PPM1H: variants seen among roughly 807,000 people sequenced by gnomAD.
The protein encoded by PPM1H is protein phosphatase 1H.
PPM1H carries 27 observed loss-of-function variants against 54.9 expected under a neutral mutation model. The ratio of observed to expected loss-of-function variants is 0.49; its 90% CI spans 0.36 to 0.68. The LOEUF is 0.68. Ranked by LOEUF, PPM1H falls within the 30% of genes least tolerant of loss-of-function variation. PPM1H has a pLI of 0.00. For synonymous variants in PPM1H, 305 were observed against 270.8 expected (o/e 1.13, Z -1.24); for missense variants, 596 against 667.8 (o/e 0.89, Z 1.19).
intron 4 of PPM1H, among the ~76,000 whole-genome samples, chr12:62,754,765 G>T (rs1281965488): frequency 2.0e-5 from 3 of 152,286 alleles, no homozygotes; most frequent in Non-Finnish European, 4.4e-5. Flanking sequence ...GAAATCAACA[G>T]TCTTTCATGA....
intron 8 of PPM1H, among the ~76,000 whole-genome samples, chr12:62,680,611 T>G (rs543027288): frequency 3.9e-5 from 6 of 152,228 alleles, no homozygotes; most frequent in Admixed American, 3.9e-4. Flanking sequence ...CAGCCAACAT[T>G]AACATGTGAG....
chr12:62,774,822 C>T (rs1035427438), intron 4 of PPM1H, among the ~76,000 whole-genome samples: 13 of 152,172 alleles, frequency 8.5e-5, no homozygotes, highest in African/African-American at 2.9e-4. Context: ...TGTTGCTAAG[C>T]GGATCACAAG....
At chr12:62,693,162 C>G (rs1324702693) in intron 7 of PPM1H, among the ~76,000 whole-genome samples, 1 of 152,180 alleles carries the variant, frequency 6.6e-6, no homozygotes, top group Non-Finnish European at 1.5e-5. Flanking sequence ...GGTGTTTGTT[C>G]TTACTAGGAA....
chr12:62,762,255 C>T (rs2076513841), intron 4 of PPM1H, among the ~76,000 whole-genome samples: 2 of 152,160 alleles, frequency 1.3e-5, no homozygotes, highest in Non-Finnish European at 2.9e-5. Context: ...GTGTGCTTGT[C>T]CAGAGGGGGC....
chr12:62,781,687 TCA>T (rs2120681282), intron 4 of PPM1H, among the ~76,000 whole-genome samples: 1 of 152,322 alleles, frequency 6.6e-6, no homozygotes, highest in Non-Finnish European at 1.5e-5. Flanking sequence ...AGTTTGGGGA[TCA>T]CACTTTGAAG....
chr12:62,689,959 A>G (rs2076074283), intron 7 of PPM1H, among the ~76,000 whole-genome samples, 153 bp from the exon 8 acceptor site: 1 of 152,214 alleles, frequency 6.6e-6, no homozygotes, highest in Non-Finnish European at 1.5e-5. Context: ...ATACGTGGAT[A>G]GCTCTTACCA....
At chr12:62,673,817 C>T (rs2075970932) in intron 8 of PPM1H, among the ~76,000 whole-genome samples, 1 of 146,996 alleles carries the variant, frequency 6.8e-6, no homozygotes, top group Admixed American at 7.1e-5. Flanking sequence ...CCTCAACCTG[C>T]CACACTCAAG....
At chr12:62,894,549 C>T (rs987145951) in intron 1 of PPM1H, among the ~76,000 whole-genome samples, 6 of 152,182 alleles carry the variant, frequency 3.9e-5, no homozygotes, top group African/African-American at 1.4e-4. Context: ...GATACTTATA[C>T]TCTTAGCTGT....
chr12:62,861,310 A>G (rs965361634), intron 1 of PPM1H, among the ~76,000 whole-genome samples: 2 of 152,246 alleles, frequency 1.3e-5, no homozygotes, highest in African/African-American at 2.4e-5. Flanking sequence ...AATGCCGGCT[A>G]GCATTAGGAA....
At chr12:62,744,682 AC>A (rs2076400463) in intron 4 of PPM1H, among the ~76,000 whole-genome samples, 1 of 152,176 alleles carries the variant, frequency 6.6e-6, no homozygotes, top group Admixed American at 6.5e-5. Context: ...ACAGGCCATT[AC>A]AAAGGCTCTG....
At chr12:62,756,320 CACA>C (rs530965402) in intron 4 of PPM1H, 3 of 524,874 alleles carry the variant, frequency 5.7e-6, no homozygotes, top group South Asian at 5.3e-5. Context: ...CTCAGTCCCC[CACA>C]ACACTGAGAA....
chr12:62,711,151 C>T (rs974422756), intron 6 of PPM1H, among the ~76,000 whole-genome samples: 5 of 152,048 alleles, frequency 3.3e-5, no homozygotes, highest in African/African-American at 1.2e-4. Flanking sequence ...GCCAACACAC[C>T]CAGAACATTT....
At chr12:62,829,079 C>A (rs1014882672) in intron 2 of PPM1H, among the ~76,000 whole-genome samples, 1 of 152,104 alleles carries the variant, frequency 6.6e-6, no homozygotes, top group Admixed American at 6.5e-5. Context: ...TCACATAATT[C>A]ATCAAATCCT....
chr12:62,714,128 C>T (rs377492889), intron 6 of PPM1H, among the ~76,000 whole-genome samples: 10 of 152,108 alleles, frequency 6.6e-5, no homozygotes, highest in East Asian at 1.9e-4. Flanking sequence ...ATGATGGAGA[C>T]GTTCTATATC....
chr12:62,694,053 C>T, intron 6 of PPM1H, 54 bp from the exon 7 acceptor site: 1 of 1,478,372 alleles, frequency 6.8e-7, no homozygotes, highest in South Asian at 1.2e-5. Flanking sequence ...TAGTGACCTG[C>T]TGCCCTGACA....
At chr12:62,842,166 A>G (rs1868775644) in intron 1 of PPM1H, among the ~76,000 whole-genome samples, 1 of 152,220 alleles carries the variant, frequency 6.6e-6, no homozygotes, top group African/African-American at 2.4e-5. Flanking sequence ...AAAATAAAGC[A>G]GAAAAAATGC....
intron 9 of PPM1H, among the ~76,000 whole-genome samples, chr12:62,658,212 T>TTTTTTTTTTTTTTTTC (rs768288538): frequency 7.7e-6 from 1 of 130,538 alleles, no homozygotes; most frequent in South Asian, 2.6e-4. Flanking sequence ...TTTTTTTTTT[T>TTTTTTTTTTTTTTTTC]AAGTAAAAAA....
At chr12:62,877,309 A>C (rs1036362645) in intron 1 of PPM1H, among the ~76,000 whole-genome samples, 2 of 152,202 alleles carry the variant, frequency 1.3e-5, no homozygotes, top group African/African-American at 4.8e-5. Context: ...TATTGAACAC[A>C]GACCATGAGA....
chr12:62,827,314 T>C (rs1868301426), intron 2 of PPM1H, among the ~76,000 whole-genome samples: 1 of 152,160 alleles, frequency 6.6e-6, no homozygotes, highest in African/African-American at 2.4e-5. Flanking sequence ...AGTTGGTCAT[T>C]TGCTCACCTT....
Sources: gnomAD v4.1 joint callset for allele counts (sites outside exome capture counted in the v4.1 genomes callset) on GRCh38, gnomAD v4.1.1 for gene constraint, MANE v1.5 for transcripts, NCBI Gene and HGNC (gene_info 2026-07-23, HGNC 2026-07-21) for gene names.